POLK: variants seen among roughly 807,000 people sequenced by gnomAD.
POLK encodes polymerase (DNA directed) kappa.
In POLK, 76 loss-of-function variants were observed where a neutral mutation model predicts 94.0. The ratio of observed to expected loss-of-function variants is 0.81; its 90% CI spans 0.67 to 0.98. POLK has a LOEUF of 0.98. Among genes scored for constraint, POLK ranks in the 50% least tolerant of loss-of-function variants. The pLI is 0.00. For synonymous variants in POLK, 349 were observed against 325.4 expected (o/e 1.07, Z -0.78); for missense variants, 954 against 1,010.1 (o/e 0.94, Z 0.75).
intron 5 of POLK, among the ~76,000 whole-genome samples, chr5:75,576,087 C>T (rs1771858603): frequency 6.6e-6 from 1 of 151,984 alleles, no homozygotes; most frequent in Non-Finnish European, 1.5e-5. Flanking sequence ...AATTAAAAGC[C>T]ACTATAATTC....
Position 75,589,436 on chromosome 5 carries a change from C to T in POLK, c.1260-908C>T, listed in dbSNP as rs539604521. 2.0e-3 allele frequency among the ~76,000 whole-genome samples: 292 copies of T among 143,414 alleles called. 1 individual carries two copies. The East Asian group carries it at 0.028, about 14-fold the overall frequency. The allele number at this position is 143,414 out of a possible 152,430, so 94.1% of individuals were successfully genotyped here. ...ACACACACACACACACACACACACA[C>T]ACGTGGAATATTTCTTTTTTTTGTT... On this transcript the variant is annotated intron_variant, in intron 10 of 14. Coordinates refer to ENST00000241436, the Ensembl canonical transcript of POLK.
intron 2 of POLK, among the ~76,000 whole-genome samples, chr5:75,550,123 T>A (rs556555349): frequency 6.6e-6 from 1 of 152,216 alleles, no homozygotes; most frequent in South Asian, 2.1e-4. Flanking sequence ...ACTTCCCAAC[T>A]CCTATGAGGC....
intron 1 of POLK, among the ~76,000 whole-genome samples, chr5:75,528,317 C>T (rs1226024609): frequency 6.6e-6 from 1 of 151,880 alleles, no homozygotes; most frequent in Non-Finnish European, 1.5e-5. Flanking sequence ...AGTGTGATGT[C>T]ATTTTTGTAT....
intron 3 of POLK, among the ~76,000 whole-genome samples, chr5:75,558,848 T>C (rs1355020922): frequency 6.6e-6 from 1 of 152,210 alleles, no homozygotes; most frequent in African/African-American, 2.4e-5. Flanking sequence ...GTTTTAATGA[T>C]ACAGTATATA....
intron 4 of POLK, 80 bp from the exon 5 acceptor site, chr5:75,573,658 A>G: frequency 8.7e-7 from 1 of 1,150,280 alleles, no homozygotes. Flanking sequence ...GCACATATTA[A>G]TGTGTTTCTT....
In POLK at chr5:75,569,039, A is replaced by G. The variant is rs187233390; in HGVS notation, c.256-301A>G. 5.6e-4 allele frequency among the ~76,000 whole-genome samples: 85 copies of G among 152,306 alleles called. 1 individual carries two copies. Among genetic ancestry groups the G allele is most frequent in the African/African-American group, 2.0e-3 (83 of 41,572 alleles). On this transcript the variant is annotated intron_variant, in intron 3 of 14. Coordinates refer to ENST00000241436, the Ensembl canonical transcript of POLK. ...AAGGGTTAGTAGGGAATTATATTTG[A>G]GGATAGGCTGTCTCTATGAAAATAA...
upstream of POLK, chr5:75,511,070 G>A (rs748030025): frequency 6.7e-7 from 1 of 1,497,130 alleles, no homozygotes; most frequent in Non-Finnish European, 8.9e-7. Context: ...CTCGCTGCAG[G>A]TGAGTCTGGC....
chr5:75,584,583 G>A (rs1772364438), intron 8 of POLK, among the ~76,000 whole-genome samples, 177 bp from the exon 9 acceptor site: 2 of 151,806 alleles, frequency 1.3e-5, no homozygotes, highest in South Asian at 2.1e-4. Flanking sequence ...CAGGAGAATC[G>A]CTTGAACAAC....
In POLK at chr5:75,526,330, C is replaced by T. The variant is rs552155394; in HGVS notation, c.-14+14416C>T. On this transcript the variant is annotated intron_variant, in intron 1 of 14. Transcript: ENST00000241436. ...TTCAGCAAAAACAAGATTTAGGAAGCTCTTATTTTCAGAAAAGGAAATGAG... is the reference window on the plus strand; with the variant it reads ...TTCAGCAAAAACAAGATTTAGGAAGTTCTTATTTTCAGAAAAGGAAATGAG... Among the ~76,000 whole-genome samples the T allele has an allele frequency of 6.6e-5, 10 of 152,090 alleles. No individual in the cohort carries two copies. In the South Asian group the frequency reaches 1.7e-3, roughly 25 times the overall value.
At chr5:75,536,680 A>G (rs1368852111) in intron 1 of POLK, among the ~76,000 whole-genome samples, 1 of 152,116 alleles carries the variant, frequency 6.6e-6, no homozygotes, top group African/African-American at 2.4e-5. Flanking sequence ...GAGTTGCCAT[A>G]GAAGCAGGAC....
chr5:75,526,048 A>G (rs1036947550), intron 1 of POLK, among the ~76,000 whole-genome samples: 4 of 152,336 alleles, frequency 2.6e-5, no homozygotes, highest in East Asian at 3.9e-4. Context: ...TCTGCTTGGC[A>G]TATGGTAAAT....
chr5:75,531,029 G>C (rs1184352710), intron 1 of POLK, among the ~76,000 whole-genome samples: 1 of 151,542 alleles, frequency 6.6e-6, no homozygotes, highest in Non-Finnish European at 1.5e-5. Context: ...GGATGGTCTC[G>C]ATCTCCTGAC....
chr5:75,535,434 A>G (rs1228414017), intron 1 of POLK, among the ~76,000 whole-genome samples: 2 of 151,930 alleles, frequency 1.3e-5, no homozygotes, highest in Non-Finnish European at 2.9e-5. Flanking sequence ...TGCCTTTGGG[A>G]TGATCTTGTG....
chr5:75,516,666 A>C (rs1168457766), intron 1 of POLK, among the ~76,000 whole-genome samples: 1 of 151,964 alleles, frequency 6.6e-6, no homozygotes, highest in Non-Finnish European at 1.5e-5. Context: ...CCCTGTCTCC[A>C]AAAACAAAAA....
upstream of POLK, chr5:75,511,198 T>G (rs774840621): frequency 6.2e-7 from 1 of 1,613,080 alleles, no homozygotes; most frequent in Non-Finnish European, 8.5e-7. Flanking sequence ...CAGCTCTGAT[T>G]ATCCGACATG....
downstream of POLK, among the ~76,000 whole-genome samples, chr5:75,605,939 G>A (rs932018800): frequency 1.6e-3 from 226 of 145,030 alleles, no homozygotes; most frequent in Middle Eastern, 6.9e-3. Flanking sequence ...AAAGAAATAA[G>A]GGGAACCGGG....
In POLK at chr5:75,581,753, T is replaced by C. The variant is rs915001451; in HGVS notation, c.934+305T>C. 4 of 227,220 alleles carry C rather than the reference T, an allele frequency of 1.8e-5. No homozygotes were observed. The South Asian group carries it at 1.9e-4, about 11-fold the overall frequency. 14.1% of individuals were successfully genotyped at this position (227,220 alleles called of 1,614,324 possible). ...TGCAGTGGGGCGATCTCATTCAGCT[T>C]ACTGCAACCTCTGCCTCCTGGGTTC... On this transcript the variant is annotated intron_variant, in intron 7 of 14. Coordinates refer to ENST00000241436, the Ensembl canonical transcript of POLK.
intron 6 of POLK, among the ~76,000 whole-genome samples, chr5:75,578,232 T>C (rs1489231835): frequency 6.6e-6 from 1 of 152,200 alleles, no homozygotes; most frequent in Non-Finnish European, 1.5e-5. Flanking sequence ...CTCAGCTCAC[T>C]GCAACCTCCG....
chr5:75,521,259 A>G (rs756264936), intron 1 of POLK, among the ~76,000 whole-genome samples: 9 of 152,078 alleles, frequency 5.9e-5, no homozygotes, highest in African/African-American at 1.7e-4. Flanking sequence ...GTGATTTTCT[A>G]TATCTTCTAG....
Sources: allele counts gnomAD v4.1 joint callset (sites outside exome capture counted in the v4.1 genomes callset), GRCh38; gene constraint gnomAD v4.1.1; transcripts MANE v1.5; gene names NCBI Gene and HGNC (gene_info 2026-07-23, HGNC 2026-07-21).